Variants in EXOC2 observed in about 807,000 individuals in gnomAD.
The protein encoded by EXOC2 is exocyst complex component 2, also known as SEC5-like 1.
A neutral mutation model predicts 131.8 loss-of-function variants in EXOC2; 70 were observed. The ratio of observed to expected loss-of-function variants is 0.53; its 90% CI spans 0.44 to 0.65. The LOEUF is 0.65. EXOC2 is among the 30% of genes least tolerant of loss of function. The pLI, the probability that EXOC2 is intolerant of heterozygous loss-of-function variation, is 0.00. For missense variants in EXOC2, 923 were observed against 1,108.6 expected (o/e 0.83, Z 2.38); for synonymous variants, 411 against 398.4 (o/e 1.03, Z -0.38).
At chr6:598,745 G>C in intron 9 of EXOC2, 115 bp downstream of exon 9, 1 of 725,768 alleles carries the variant, frequency 1.4e-6, no homozygotes, top group Non-Finnish European at 2.3e-6. Context: ...ACATTGTAAA[G>C]AGAGCCTCAT....
chr6:673,095 A>G, intron 1 of EXOC2, among the ~76,000 whole-genome samples: 1 of 151,750 alleles, frequency 6.6e-6, no homozygotes, highest in African/African-American at 2.4e-5. Flanking sequence ...CCCCATCTCT[A>G]CTAAAAATAC....
In EXOC2 at chr6:599,232, TAA is replaced by T. The variant is rs112653046; in HGVS notation, c.743-9_743-8del. The stretch of plus-strand genomic sequence containing the variant: ...TCTGCAGTATTACTTGCTCCTGTTT[TAA>T]AAAGAGGAAAGGAAACTTAGATGAA... On this transcript the variant is annotated splice_region_variant and splice_polypyrimidine_tract_variant and intron_variant, in intron 7 of 27. Coordinates refer to ENST00000230449, the MANE Select transcript of EXOC2 (RefSeq NM_018303.6). 10,764 of 1,536,922 alleles carry T rather than the reference TAA, an allele frequency of 7.0e-3. 93 individuals carry two copies. Among genetic ancestry groups the T allele is most frequent in the African/African-American group, 0.04 (2,886 of 72,496 alleles).
In EXOC2 at chr6:485,913, C is replaced by G. The variant is rs964256419; in HGVS notation, c.*758G>C. 8 of 152,272 alleles carry G rather than the reference C, an allele frequency of 5.3e-5. No individual in the cohort carries two copies. The highest frequency in any genetic ancestry group is 1.9e-4 in the African/African-American group (8 of 41,464). The allele number at this position is 152,272 out of a possible 1,614,324, so 9.4% of individuals were successfully genotyped here. On this transcript the variant is annotated 3_prime_UTR_variant, in exon 28 of 28. Transcript: ENST00000230449. Reference sequence around the variant, plus strand: ...CAACACCTCAGAGTGTAACACAGTGCCCGTTACACATTCACACTCCATCAC... The same window carrying G: ...CAACACCTCAGAGTGTAACACAGTGGCCGTTACACATTCACACTCCATCAC...
At chr6:571,921 A>G (rs1758297264) in intron 13 of EXOC2, among the ~76,000 whole-genome samples, 1 of 152,222 alleles carries the variant, frequency 6.6e-6, no homozygotes, top group Admixed American at 6.5e-5. Context: ...CACACATAAC[A>G]GAGTCATTCC....
At chr6:651,024 T>A (rs1011310970) in intron 1 of EXOC2, among the ~76,000 whole-genome samples, 13 of 106,276 alleles carry the variant, frequency 1.2e-4, no homozygotes, top group African/African-American at 4.2e-4. Context: ...TAGTAAGGCA[T>A]GTGTTCTTTT....
In EXOC2 at chr6:656,878, C is replaced by T. The variant is rs151331596; in HGVS notation, c.-43-19017G>A. Reference sequence around the variant, plus strand: ...ACGCAGACCTTCGCTAGCCTCGCGACGGTGCCGCTGACGTGAATGAACAGC... The same window carrying T: ...ACGCAGACCTTCGCTAGCCTCGCGATGGTGCCGCTGACGTGAATGAACAGC... On this transcript the variant is annotated intron_variant, in intron 1 of 27. Coordinates refer to ENST00000230449, the MANE Select transcript of EXOC2 (RefSeq NM_018303.6). 51 of 1,603,738 alleles carry T rather than the reference C, an allele frequency of 3.2e-5. No individual in the cohort carries two copies. The highest frequency in any genetic ancestry group is 4.2e-5 in the Non-Finnish European group (49 of 1,173,556).
chr6:491,062 A>C lies in EXOC2; in HGVS notation c.2621+63T>G, dbSNP rs974195475. The C allele has an allele frequency of 3.5e-5, 53 of 1,526,936 alleles. No individual in the cohort carries two copies. In the Admixed American group the frequency reaches 8.9e-4, roughly 26 times the overall value. 94.6% of individuals were successfully genotyped at this position (1,526,936 alleles called of 1,614,324 possible). A position where few individuals can be genotyped will look rare whatever the true frequency, so the allele number is the denominator to read the frequency against. ...ATCAGTCATCTTTACAGAGGACAGA[A>C]TTGACTAGTAAGACAACCTTTATTT... On this transcript the variant is annotated intron_variant, in intron 26 of 27. Coordinates refer to ENST00000230449, the MANE Select transcript of EXOC2 (RefSeq NM_018303.6).
At chr6:550,187 T>C (rs1319746918) in intron 21 of EXOC2, among the ~76,000 whole-genome samples, 2 of 152,188 alleles carry the variant, frequency 1.3e-5, no homozygotes, top group African/African-American at 4.8e-5. Flanking sequence ...GACTAAACCT[T>C]TGGCAAAAAA....
In EXOC2 at chr6:532,621, A is replaced by T; in HGVS notation, c.2239-11T>A. The T allele has an allele frequency of 6.6e-7, 1 of 1,506,260 alleles. No individual in the cohort carries two copies. Among genetic ancestry groups the T allele is most frequent in the Non-Finnish European group, 8.8e-7 (1 of 1,130,830 alleles). 93.3% of individuals were successfully genotyped at this position (1,506,260 alleles called of 1,614,324 possible). A position where few individuals can be genotyped will look rare whatever the true frequency, so the allele number is the denominator to read the frequency against. ...TGAGGCCATGCTAACCTATAAACAC[A>T]TAATGAAGAGTATGAGTTGCCTATT... is the stretch of plus-strand genomic sequence containing the variant. On this transcript the variant is annotated splice_polypyrimidine_tract_variant and intron_variant, in intron 22 of 27. Coordinates refer to ENST00000230449, the MANE Select transcript of EXOC2 (RefSeq NM_018303.6).
chr6:584,701 C>T (rs902804375), intron 11 of EXOC2, among the ~76,000 whole-genome samples: 9 of 152,214 alleles, frequency 5.9e-5, no homozygotes, highest in Non-Finnish European at 7.3e-5. Flanking sequence ...TTCTGCTCTG[C>T]GGCTATTCTC....
intron 1 of EXOC2, among the ~76,000 whole-genome samples, chr6:651,064 T>A (rs1383151033): frequency 6.6e-6 from 1 of 151,456 alleles, no homozygotes; most frequent in Non-Finnish European, 1.5e-5. Context: ...AATCTCGCTC[T>A]GTTGCCCAGG....
chr6:497,824 A>ACTC, intron 24 of EXOC2, among the ~76,000 whole-genome samples: 1 of 152,230 alleles, frequency 6.6e-6, no homozygotes. Flanking sequence ...AATTAGAGAA[A>ACTC]TAAGAACATA....
At position 653,038 on chromosome 6, in the gene EXOC2, A is replaced by T. The variant is rs188111930; in HGVS notation, c.-43-15177T>A. Among the ~76,000 whole-genome samples, 379 of 152,302 alleles carry T rather than the reference A, an allele frequency of 2.5e-3. 3 individuals carry two copies. Among genetic ancestry groups the T allele is most frequent in the Non-Finnish European group, 2.0e-3 (133 of 68,034 alleles). On this transcript the variant is annotated intron_variant, in intron 1 of 27. Coordinates refer to ENST00000230449, the MANE Select transcript of EXOC2 (RefSeq NM_018303.6). ...AGTGTTCTTTGATGATACTATTGTA[A>T]CTGTTCCGGGGCACCACAAACCATG...
chr6:523,658 T>G (rs1581364029), intron 23 of EXOC2, among the ~76,000 whole-genome samples: 3 of 152,222 alleles, frequency 2.0e-5, no homozygotes, highest in African/African-American at 7.2e-5. Flanking sequence ...TTTTGGCAGG[T>G]GCCAAAGTAT....
chr6:544,331 T>C (rs1322356843), intron 22 of EXOC2, among the ~76,000 whole-genome samples: 1 of 152,204 alleles, frequency 6.6e-6, no homozygotes, highest in Non-Finnish European at 1.5e-5. Context: ...GTCCTTCTGA[T>C]GGGGTATCTC....
At chr6:683,583 G>C (rs904869754) in intron 1 of EXOC2, among the ~76,000 whole-genome samples, 7 of 152,186 alleles carry the variant, frequency 4.6e-5, no homozygotes, top group Non-Finnish European at 8.8e-5. Flanking sequence ...CCAACCGTCA[G>C]CTTAAATTGG....
rs1764093112 is a variant in EXOC2 at position 675,785 on chromosome 6, CA to C, written c.-44+17233del. Among the ~76,000 whole-genome samples, 2 of 86,782 alleles carry C rather than the reference CA, an allele frequency of 2.3e-5. 1 individual carries two copies. The highest frequency in any genetic ancestry group is 7.1e-5 in the African/African-American group (2 of 28,184). 56.9% of individuals were successfully genotyped at this position (86,782 alleles called of 152,430 possible). A position where few individuals can be genotyped will look rare whatever the true frequency, so the allele number is the denominator to read the frequency against. On this transcript the variant is annotated intron_variant, in intron 1 of 27. Coordinates refer to ENST00000230449, the MANE Select transcript of EXOC2 (RefSeq NM_018303.6). ...CGGTTTCCCATACTCTTCAACATTACAGAAAGGATAGGTTCCTCTGGAGACT... is the reference window on the plus strand; with the variant it reads ...CGGTTTCCCATACTCTTCAACATTACGAAAGGATAGGTTCCTCTGGAGACT...
At chr6:683,236 A>G (rs980767686) in intron 1 of EXOC2, among the ~76,000 whole-genome samples, 3 of 152,266 alleles carry the variant, frequency 2.0e-5, no homozygotes, top group African/African-American at 4.8e-5. Flanking sequence ...CCAGGAAGAC[A>G]TGAAAATAAA....
At chr6:530,499 G>A (rs942376279) in intron 23 of EXOC2, among the ~76,000 whole-genome samples, 6 of 152,240 alleles carry the variant, frequency 3.9e-5, no homozygotes, top group Non-Finnish European at 4.4e-5. Context: ...TGCTCTGGGA[G>A]CATCACGAAT....
Sources: allele counts gnomAD v4.1 joint callset (sites outside exome capture counted in the v4.1 genomes callset), GRCh38; gene constraint gnomAD v4.1.1; transcripts MANE v1.5; gene names NCBI Gene and HGNC (gene_info 2026-07-23, HGNC 2026-07-21).